RP1L1: variants seen among roughly 807,000 people sequenced by gnomAD.
RP1L1 encodes retinitis pigmentosa 1-like 1 protein.
Under a neutral mutation model 15.7 loss-of-function variants are expected in RP1L1, and 27 were observed. That is an observed-to-expected ratio of 1.72 (90% CI 1.27 to 2.38). The LOEUF (loss-of-function observed/expected upper bound fraction) is 2.38. Ranked by LOEUF, RP1L1 falls within the 30% of genes most tolerant of loss-of-function variation. RP1L1 has a pLI of 0.00. For synonymous variants in RP1L1, 1,813 were observed against 1,276.7 expected, an observed-to-expected ratio of 1.42 and a Z score of -8.96; for missense variants, 4,798 against 3,075.9, an observed-to-expected ratio of 1.56 and a Z score of -13.24.
chr8:10,625,610 C>T (rs1024240810), intron 1 of RP1L1, among the ~76,000 whole-genome samples: 3 of 152,246 alleles, frequency 2.0e-5, no homozygotes, highest in Middle Eastern at 6.8e-3. Flanking sequence ...GCGATAAAGG[C>T]GCCCCCCAAC....
chr8:10,628,811 A>G (rs555762582), intron 1 of RP1L1, among the ~76,000 whole-genome samples: 5 of 152,310 alleles, frequency 3.3e-5, no homozygotes, highest in South Asian at 2.1e-4. Context: ...GGAAACTGTC[A>G]AAAAACAAAA....
At chr8:10,633,153 T>C (rs935219863) in intron 1 of RP1L1, among the ~76,000 whole-genome samples, 2 of 152,168 alleles carry the variant, frequency 1.3e-5, no homozygotes, top group African/African-American at 2.4e-5. Context: ...GAGGGAAGAC[T>C]GCTGGCCAGT....
chr8:10,611,976 A>G lies in RP1L1; in HGVS notation c.2122T>C (p.Ser708Pro). Residue 708 changes from serine to proline, a missense_variant, in exon 4 of 4, where the codon TCA (serine) becomes CCA (proline). Transcript: ENST00000382483. ...GAGGCCTGTGTCCTGGTGCTCGATG[A>G]GCTTCCAGAATATCGTGGCACTGAG... is the stretch of plus-strand genomic sequence containing the variant. ...DGSVPRYSGS[S>P]SSTRTQASGN... 3 of 1,613,790 alleles carry G rather than the reference A, an allele frequency of 1.9e-6. No homozygotes were observed. Among genetic ancestry groups the G allele is most frequent in the Non-Finnish European group, 1.7e-6 (2 of 1,179,992 alleles).
chr8:10,642,431 CCTTG>C (rs1798420596), intron 1 of RP1L1, among the ~76,000 whole-genome samples: 1 of 152,294 alleles, frequency 6.6e-6, no homozygotes, highest in South Asian at 2.1e-4. Context: ...CCCCCTTGCT[CCTTG>C]CTTCTTCCAG....
In RP1L1 at chr8:10,610,850, G is replaced by C; in HGVS notation, c.3248C>G (p.Thr1083Arg). ...RALPGRVSAS[T>R]QIMRALMGSK... ...GCCCATCAGCGCCCTCATGATCTGC[G>C]TGGAGGCAGACACCCGGCCAGGAAG... Residue 1083 changes from threonine to arginine, a missense_variant, in exon 4 of 4, where the codon ACG becomes AGG. Thr to Arg is a moderately conservative substitution (Grantham distance 71). Coordinates refer to ENST00000382483, the MANE Select transcript of RP1L1 (RefSeq NM_178857.6). 6.2e-7 allele frequency: 1 copy of C among 1,608,452 alleles called. No homozygotes were observed.
At chr8:10,629,742 T>C (rs1798212217) in intron 1 of RP1L1, among the ~76,000 whole-genome samples, 1 of 152,150 alleles carries the variant, frequency 6.6e-6, no homozygotes, top group Non-Finnish European at 1.5e-5. Flanking sequence ...GCCACCCATG[T>C]CCCCAGCTCC....
Position 10,651,472 on chromosome 8 carries a change from T to C in RP1L1, c.-20+3426A>G, listed in dbSNP as rs576437873. ...GGCCGGGCGCAGTGGCTAACGTCTG[T>C]AATCCCAGCACTTTGGGAGGCTGAG... On this transcript the variant is annotated intron_variant, in intron 1 of 3. Transcript: ENST00000382483. Among the ~76,000 whole-genome samples the C allele has an allele frequency of 1.6e-4, 25 of 152,254 alleles. No individual in the cohort carries two copies. In the South Asian group the frequency reaches 5.2e-3, roughly 32 times the overall value.
chr8:10,627,927 G>A (rs575478589), intron 1 of RP1L1, among the ~76,000 whole-genome samples: 6 of 152,304 alleles, frequency 3.9e-5, no homozygotes, highest in African/African-American at 4.8e-5. Context: ...AGCAGCAAAC[G>A]ATGACCACCT....
rs1266590224 is a variant in RP1L1 at position 10,637,948 on chromosome 8, C to A, written c.-19-14728G>T. Among the ~76,000 whole-genome samples the A allele has an allele frequency of 4.6e-5, 7 of 152,312 alleles. No homozygotes were observed. In the East Asian group the frequency reaches 1.2e-3, roughly 25 times the overall value. On this transcript the variant is annotated intron_variant, in intron 1 of 3. Transcript: ENST00000382483. ...TTCTTGGGACAGCCCCACCCTCCTG[C>A]CTGCAGCCCCAGGGCTGGGTCCCCT...
chr8:10,621,327 A>T (rs768565286), intron 2 of RP1L1: 8 of 165,820 alleles, frequency 4.8e-5, no homozygotes, highest in Non-Finnish European at 9.1e-5. Context: ...TAATGATGTT[A>T]TCATATGACT....
intron 1 of RP1L1, among the ~76,000 whole-genome samples, chr8:10,627,218 G>C (rs1426618695): frequency 6.6e-6 from 1 of 152,134 alleles, no homozygotes; most frequent in Non-Finnish European, 1.5e-5. Context: ...AGTAGTCAAA[G>C]GGTAGAAACA....
intron 3 of RP1L1, among the ~76,000 whole-genome samples, chr8:10,615,964 G>C (rs1221111971): frequency 6.6e-6 from 1 of 152,100 alleles, no homozygotes; most frequent in Non-Finnish European, 1.5e-5. Context: ...GAGTGAAGTG[G>C]TGCGATCACG....
In RP1L1 at chr8:10,610,081, C is replaced by A; in HGVS notation, c.4017G>T (p.Glu1339Asp). The change falls in exon 4 of 4, where the codon GAG becomes GAT. Residue 1339 changes from glutamate (E) to aspartate (D), a missense_variant. Coordinates refer to ENST00000382483, the MANE Select transcript of RP1L1 (RefSeq NM_178857.6). ...EGLQEEGVQL[E>D]ETKETEGEGQ... Reference sequence around the variant, plus strand: ...CTTCTCCTTCTGTTTCTTTAGTTTCCTCTAACTGCACCCCCTCTTCTTGCA... The same window carrying A: ...CTTCTCCTTCTGTTTCTTTAGTTTCATCTAACTGCACCCCCTCTTCTTGCA... 1.3e-5 allele frequency: 20 copies of A among 1,496,146 alleles called. 5 individuals are homozygous for A. In the East Asian group the frequency reaches 2.0e-4, roughly 15 times the overall value. 92.7% of individuals were successfully genotyped at this position (1,496,146 alleles called of 1,614,324 possible).
Position 10,609,984 on chromosome 8 carries a change from C to A in RP1L1, c.4114G>T (p.Val1372Leu), listed in dbSNP as rs751583965. Residue 1372 changes from valine to leucine, a missense_variant, in exon 4 of 4, where the codon GTG becomes TTG. Physicochemically the swap from Val to Leu is conservative, Grantham distance 32. Transcript: ENST00000382483. Reference sequence around the variant, plus strand: ...CCTTCTTTAACTTCCTCTAACTGCACCCCCTCTTCTTGCAGCCCTTCTCCT... The same window carrying A: ...CCTTCTTTAACTTCCTCTAACTGCAACCCCTCTTCTTGCAGCCCTTCTCCT... The part of the protein sequence containing the change: ...TGGEGLQEEG[V>L]QLEEVKEGPE... 3.1e-5 allele frequency: 50 copies of A among 1,613,814 alleles called. No homozygotes were observed. The highest frequency in any genetic ancestry group is 4.1e-5 in the Non-Finnish European group (48 of 1,179,854).
chr8:10,629,619 A>G (rs13267225), intron 1 of RP1L1, among the ~76,000 whole-genome samples: 38,519 of 152,082 alleles, frequency 0.25, 6,340 homozygotes, highest in Non-Finnish European at 0.35. Flanking sequence ...TTTTATTGTC[A>G]GCAACAGAGA....
chr8:10,611,107 G>C lies in RP1L1; in HGVS notation c.2991C>G (p.Asp997Glu), dbSNP rs188482891. 48 of 1,612,868 alleles carry C rather than the reference G, an allele frequency of 3.0e-5. No individual in the cohort carries two copies. In the East Asian group the frequency reaches 3.3e-4, roughly 11 times the overall value. The change falls in exon 4 of 4, where the codon GAC (aspartate) becomes GAG (glutamate). Residue 997 changes from aspartate (D) to glutamate (E), a missense_variant. Asp to Glu is a conservative substitution (Grantham distance 45, BLOSUM62 2). Coordinates refer to ENST00000382483, the MANE Select transcript of RP1L1 (RefSeq NM_178857.6). ...LRGPEVDPGD[D>E]HSLEGLGEPA... is the part of the protein sequence containing the mutation. Reference sequence around the variant, plus strand: ...GCTCCCCCAGGCCTTCCAGAGAATGGTCATCCCCAGGGTCCACCTCGGGGC... The same window carrying C: ...GCTCCCCCAGGCCTTCCAGAGAATGCTCATCCCCAGGGTCCACCTCGGGGC...
At position 10,611,166 on chromosome 8, in the gene RP1L1, C is replaced by T. The variant is rs747447270; in HGVS notation, c.2932G>A (p.Glu978Lys). Residue 978 changes from glutamate to lysine, a missense_variant, in exon 4 of 4, where the codon GAG becomes AAG. Physicochemically the swap from Glu to Lys is moderately conservative, Grantham distance 56. Coordinates refer to ENST00000382483, the MANE Select transcript of RP1L1 (RefSeq NM_178857.6). ...PILMTYELAD[E>K]TTGAAGGGLR... The stretch of plus-strand genomic sequence containing the variant: ...CCACCCCCAGCTGCACCTGTGGTCT[C>T]GTCCGCCAACTCATATGTCATGAGT... 2.2e-5 allele frequency: 35 copies of T among 1,612,512 alleles called. No individual in the cohort carries two copies. Among genetic ancestry groups the T allele is most frequent in the Non-Finnish European group, 2.3e-5 (27 of 1,179,700 alleles).
rs1244182779 is a variant in RP1L1, at chr8:10,611,550, C to T, written c.2548G>A (p.Gly850Ser). 6.3e-7 allele frequency: 1 copy of T among 1,597,924 alleles called. No individual in the cohort carries two copies. Among genetic ancestry groups the T allele is most frequent in the African/African-American group, 1.3e-5 (1 of 74,902 alleles). The part of the protein sequence containing the change: ...GPSPEASWLC[G>S]RYCPTPPRGR... ...CTGGGCGGGGTGGGACAGTACCTGC[C>T]ACACAGCCAGCTAGCCTCAGGGGAG... Residue 850 changes from glycine to serine, a missense_variant, in exon 4 of 4, where the codon GGC becomes AGC. Transcript: ENST00000382483.
chr8:10,611,604 G>T lies in RP1L1; in HGVS notation c.2494C>A (p.Gln832Lys). 1 of 1,612,398 alleles carries T rather than the reference G, an allele frequency of 6.2e-7. No homozygotes were observed. The highest frequency in any genetic ancestry group is 8.5e-7 in the Non-Finnish European group (1 of 1,179,624). The change falls in exon 4 of 4, where the codon CAG (glutamine) becomes AAG (lysine). Residue 832 changes from glutamine to lysine, a missense_variant. By Grantham distance (53) the Gln-to-Lys change is moderately conservative (BLOSUM62 1). Transcript: ENST00000382483. ...RSHCCSQPGT[Q>K]PAQEAQRGPS... ...CCCCGCTGGGCCTCTTGGGCCGGCT[G>T]CGTCCCAGGCTGTGAGCAGCAGTGG...
Sources: allele counts gnomAD v4.1 joint callset (sites outside exome capture counted in the v4.1 genomes callset), GRCh38; gene constraint gnomAD v4.1.1; transcripts MANE v1.5; gene names NCBI Gene and HGNC (gene_info 2026-07-23, HGNC 2026-07-21).